HCN1: variants seen among roughly 807,000 people sequenced by gnomAD.
The protein encoded by HCN1 is hyperpolarization activated cyclic nucleotide gated potassium channel 1.
Under a neutral mutation model 78.9 loss-of-function variants are expected in HCN1, and 13 were observed. That is an observed-to-expected ratio of 0.16 (90% CI 0.11 to 0.26). The LOEUF is 0.26. Among genes scored for constraint, HCN1 ranks in the 10% least tolerant of loss-of-function variants. The probability of loss-of-function intolerance (pLI) is 1.00; values close to 1 mark genes in which losing one functional copy is unlikely to be tolerated. For synonymous variants in HCN1, 552 were observed against 455.5 expected, an observed-to-expected ratio of 1.21 and a Z score of -2.70; for missense variants, 810 against 1,154.3, an observed-to-expected ratio of 0.70 and a Z score of 4.32.
At chr5:45,667,874 C>A (rs1746080535) in intron 1 of HCN1, among the ~76,000 whole-genome samples, 1 of 151,920 alleles carries the variant, frequency 6.6e-6, no homozygotes, top group South Asian at 2.1e-4. Flanking sequence ...TATTAATTTT[C>A]ATTGCATTTT....
intron 2 of HCN1, among the ~76,000 whole-genome samples, chr5:45,641,019 T>C (rs761190606): frequency 3.3e-5 from 5 of 152,228 alleles, no homozygotes; most frequent in Non-Finnish European, 5.9e-5. Context: ...CAGGGAACAA[T>C]GTGCTGGAGA....
At chr5:45,480,201 C>T (rs1044474725) in intron 2 of HCN1, 3 of 152,500 alleles carry the variant, frequency 2.0e-5, no homozygotes, top group Non-Finnish European at 2.9e-5. Flanking sequence ...TATAAACCTG[C>T]TCATTCTTCT....
chr5:45,413,576 T>C, intron 3 of HCN1, among the ~76,000 whole-genome samples: 1 of 151,978 alleles, frequency 6.6e-6, no homozygotes, highest in African/African-American at 2.4e-5. Context: ...CAGGAGCAAA[T>C]TGCGTAAGTA....
chr5:45,343,796 T>C (rs1357864689), intron 5 of HCN1, among the ~76,000 whole-genome samples: 1 of 151,314 alleles, frequency 6.6e-6, no homozygotes, highest in Non-Finnish European at 1.5e-5. Context: ...AATTCAAAGA[T>C]ACAGAATGAA....
At chr5:45,631,711 C>G (rs183081725) in intron 2 of HCN1, among the ~76,000 whole-genome samples, 11 of 152,184 alleles carry the variant, frequency 7.2e-5, no homozygotes, top group African/African-American at 2.4e-4. Flanking sequence ...ATTTTGTAGG[C>G]TCAAGTCTGT....
Position 45,696,146 on chromosome 5 carries a change from G to A in HCN1, c.-53C>T. The A allele has an allele frequency of 2.5e-6, 3 of 1,213,944 alleles. No homozygotes were observed. The highest frequency in any genetic ancestry group is 3.1e-6 in the Non-Finnish European group (3 of 956,992). 75.2% of individuals were successfully genotyped at this position (1,213,944 alleles called of 1,614,324 possible). A position where few individuals can be genotyped will look rare whatever the true frequency, so the allele number is the denominator to read the frequency against. On this transcript the variant is annotated 5_prime_UTR_variant, in exon 1 of 8. Coordinates refer to ENST00000303230, the MANE Select transcript of HCN1 (RefSeq NM_021072.4). ...CGGGCTCCAGACTCGCCGGCCGCCC[G>A]GCGCCGGAGACACGTAGCCGAGAGG...
At chr5:45,655,856 C>A (rs773480353) in intron 1 of HCN1, among the ~76,000 whole-genome samples, 1 of 152,072 alleles carries the variant, frequency 6.6e-6, no homozygotes, top group African/African-American at 2.4e-5. Flanking sequence ...GGTGCATTGA[C>A]CAAAGTCAGT....
At chr5:45,399,494 G>A (rs186342361) in intron 3 of HCN1, among the ~76,000 whole-genome samples, 2 of 152,304 alleles carry the variant, frequency 1.3e-5, no homozygotes, top group East Asian at 3.9e-4. Flanking sequence ...GGGGCTCTGT[G>A]CAACTTCAAG....
chr5:45,320,410 T>C (rs1200784374), intron 5 of HCN1, among the ~76,000 whole-genome samples: 1 of 151,876 alleles, frequency 6.6e-6, no homozygotes, highest in Non-Finnish European at 1.5e-5. Flanking sequence ...ATGAATGTAA[T>C]AAAAAGAAGA....
intron 1 of HCN1, among the ~76,000 whole-genome samples, chr5:45,680,993 T>C (rs1739691649): frequency 6.6e-6 from 1 of 152,114 alleles, no homozygotes; most frequent in South Asian, 2.1e-4. Flanking sequence ...ACCTCCTTAA[T>C]ATCTGGTATG....
At chr5:45,642,973 T>C (rs1280384107) in intron 2 of HCN1, 2 of 152,120 alleles carry the variant, frequency 1.3e-5, no homozygotes, top group East Asian at 1.9e-4. Flanking sequence ...GGGCTTATGG[T>C]TCATTTATTA....
intron 2 of HCN1, among the ~76,000 whole-genome samples, chr5:45,636,530 G>A (rs1745358889): frequency 6.6e-6 from 1 of 152,150 alleles, no homozygotes; most frequent in African/African-American, 2.4e-5. Flanking sequence ...CAGTTCTTCA[G>A]TTGGTATATT....
chr5:45,694,643 T>C (rs1739970772), intron 1 of HCN1, among the ~76,000 whole-genome samples: 1 of 152,234 alleles, frequency 6.6e-6, no homozygotes, highest in Admixed American at 6.5e-5. Flanking sequence ...AATATCACCC[T>C]GAGTTATTAG....
At chr5:45,304,212 C>T (rs1745682841) in intron 5 of HCN1, among the ~76,000 whole-genome samples, 1 of 152,030 alleles carries the variant, frequency 6.6e-6, no homozygotes, top group African/African-American at 2.4e-5. Context: ...AGAAAGAAAG[C>T]CATATCACTT....
intron 5 of HCN1, among the ~76,000 whole-genome samples, chr5:45,316,486 C>G (rs968383487): frequency 6.6e-6 from 1 of 152,092 alleles, no homozygotes; most frequent in Non-Finnish European, 1.5e-5. Flanking sequence ...TGGAAGCATT[C>G]CCTTTGAAAA....
intron 6 of HCN1, among the ~76,000 whole-genome samples, chr5:45,298,121 A>C (rs993944447): frequency 1.3e-5 from 2 of 152,004 alleles, no homozygotes; most frequent in East Asian, 3.9e-4. Context: ...TTAATACCCA[A>C]TATGGCAGTA....
intron 2 of HCN1, among the ~76,000 whole-genome samples, chr5:45,608,394 T>TGTGTGG (rs1277517715): frequency 2.0e-5 from 3 of 149,806 alleles, no homozygotes; most frequent in African/African-American, 2.5e-5. Context: ...TGTGTGTGTA[T>TGTGTGG]GTGTGATGTC....
intron 3 of HCN1, among the ~76,000 whole-genome samples, chr5:45,415,728 G>A (rs907536048): frequency 3.9e-5 from 6 of 151,974 alleles, no homozygotes; most frequent in Non-Finnish European, 7.4e-5. Flanking sequence ...CAGCACTTGT[G>A]CTTCCATTTA....
chr5:45,283,520 G>A (rs776804318), intron 6 of HCN1, among the ~76,000 whole-genome samples: 4 of 151,820 alleles, frequency 2.6e-5, no homozygotes, highest in Non-Finnish European at 5.9e-5. Context: ...ACATACATGC[G>A]GCCAACAATC....
Sources: gnomAD v4.1 joint callset for allele counts (sites outside exome capture counted in the v4.1 genomes callset) on GRCh38, gnomAD v4.1.1 for gene constraint, MANE v1.5 for transcripts, NCBI Gene and HGNC (gene_info 2026-07-23, HGNC 2026-07-21) for gene names.